HACE1: variants seen among roughly 807,000 people sequenced by gnomAD.
The protein encoded by HACE1 is E3 ubiquitin-protein ligase HACE1.
In HACE1, 73 loss-of-function variants were observed where a neutral mutation model predicts 118.4. That is an observed-to-expected ratio of 0.62 (90% CI 0.51 to 0.75). HACE1 has a LOEUF of 0.75. Ranked by LOEUF, HACE1 falls within the 30% of genes least tolerant of loss-of-function variation. The pLI, the probability that HACE1 is intolerant of heterozygous loss-of-function variation, is 0.00. For missense variants in HACE1, 749 were observed against 1,102.2 expected (o/e 0.68, Z 4.54); for synonymous variants, 368 against 374.8 (o/e 0.98, Z 0.21).
At chr6:104,762,522 G>A (rs1001712953) in intron 19 of HACE1, among the ~76,000 whole-genome samples, 1 of 152,064 alleles carries the variant, frequency 6.6e-6, no homozygotes, top group African/African-American at 2.4e-5. Context: ...GACACAAGGA[G>A]GGGAACATCA....
chr6:104,786,868 T>C (rs573181866), intron 11 of HACE1: 1 of 152,270 alleles, frequency 6.6e-6, no homozygotes, highest in African/African-American at 2.4e-5. Flanking sequence ...CTTTAAAATA[T>C]TTCAAGGAAA....
intron 19 of HACE1, among the ~76,000 whole-genome samples, chr6:104,768,323 A>G (rs1391424050): frequency 6.6e-6 from 1 of 152,148 alleles, no homozygotes; most frequent in Admixed American, 6.5e-5. Context: ...TATAAAGTAA[A>G]AAGCTGACTC....
intron 14 of HACE1, among the ~76,000 whole-genome samples, chr6:104,782,715 G>A (rs1937417409): frequency 6.6e-6 from 1 of 152,064 alleles, no homozygotes; most frequent in Admixed American, 6.6e-5. Context: ...CATTATTACT[G>A]CCTTCTCTTT....
At chr6:104,732,688 C>G (rs1449761165) in intron 22 of HACE1, among the ~76,000 whole-genome samples, 1 of 149,034 alleles carries the variant, frequency 6.7e-6, no homozygotes, top group Non-Finnish European at 1.5e-5. Context: ...TTAAATGATA[C>G]ATTTTATGAT....
intron 6 of HACE1, among the ~76,000 whole-genome samples, chr6:104,827,607 C>A (rs955080323): frequency 3.3e-5 from 5 of 152,096 alleles, no homozygotes; most frequent in African/African-American, 1.2e-4. Context: ...AGAATAAATA[C>A]AATTACTCTG....
intron 4 of HACE1, among the ~76,000 whole-genome samples, chr6:104,848,373 T>C (rs561210355): frequency 2.6e-5 from 4 of 150,982 alleles, no homozygotes; most frequent in African/African-American, 7.3e-5. Context: ...GGAGAATCAC[T>C]TGAACTCGGG....
At chr6:104,796,826 T>C in intron 8 of HACE1, 70 bp from the exon 9 acceptor site, 1 of 1,118,970 alleles carries the variant, frequency 8.9e-7, no homozygotes, top group Non-Finnish European at 1.4e-6. Flanking sequence ...CTTCACACAA[T>C]AAAAATCTTT....
Position 104,739,592 on chromosome 6 carries a change from G to A in HACE1, c.2513+4568C>T, listed in dbSNP as rs368633921. 1.8e-4 allele frequency among the ~76,000 whole-genome samples: 28 copies of A among 151,968 alleles called. No individual in the cohort carries two copies. In the East Asian group the frequency reaches 5.2e-3, roughly 28 times the overall value. ...AGAAGGCCATTACATAATGATAAAG[G>A]GATCAATTCAACAAGAAGAGCTAAC... On this transcript the variant is annotated intron_variant, in intron 22 of 23. Coordinates refer to ENST00000262903, the MANE Select transcript of HACE1 (RefSeq NM_020771.4).
At chr6:104,731,480 G>A (rs1387178680) in intron 22 of HACE1, 3 of 152,034 alleles carry the variant, frequency 2.0e-5, no homozygotes, top group African/African-American at 7.2e-5. Context: ...TTACAAAGCT[G>A]TGGTAATCAA....
At chr6:104,747,152 T>C (rs1049711000) in intron 20 of HACE1, among the ~76,000 whole-genome samples, 2 of 152,218 alleles carry the variant, frequency 1.3e-5, no homozygotes, top group South Asian at 2.1e-4. Context: ...AACAAAATAA[T>C]TGAATTCATC....
At chr6:104,811,428 A>G (rs1480778298) in intron 6 of HACE1, 35 bp from the exon 7 acceptor site, 1 of 991,170 alleles carries the variant, frequency 1.0e-6, no homozygotes, top group Non-Finnish European at 1.6e-6. Flanking sequence ...GTAAAGCCAG[A>G]GGAATCAAAC....
At chr6:104,787,409 A>G (rs919430844) in intron 11 of HACE1, 2 of 152,198 alleles carry the variant, frequency 1.3e-5, no homozygotes, top group Non-Finnish European at 2.9e-5. Flanking sequence ...TTCACTGAAA[A>G]TTCTAATCAT....
intron 19 of HACE1, among the ~76,000 whole-genome samples, chr6:104,756,442 T>C (rs1161019388): frequency 2.7e-4 from 39 of 146,292 alleles, no homozygotes; most frequent in African/African-American, 9.6e-4. Flanking sequence ...TATATATATA[T>C]ATATACACAC....
chr6:104,847,590 C>G (rs1427933498), intron 4 of HACE1, among the ~76,000 whole-genome samples: 2 of 152,196 alleles, frequency 1.3e-5, no homozygotes, highest in Non-Finnish European at 2.9e-5. Context: ...CTAGGCAACA[C>G]TATTGCTGTC....
chr6:104,778,232 T>C (rs574066705), intron 14 of HACE1, among the ~76,000 whole-genome samples: 23 of 152,298 alleles, frequency 1.5e-4, no homozygotes, highest in Non-Finnish European at 1.5e-5. Context: ...CTGTGAGTTA[T>C]CTACAATTTT....
chr6:104,821,633 A>C (rs1772726552), intron 6 of HACE1, among the ~76,000 whole-genome samples: 1 of 152,216 alleles, frequency 6.6e-6, no homozygotes, highest in Admixed American at 6.5e-5. Flanking sequence ...CACTTTTATA[A>C]GCAGGAAATT....
intron 22 of HACE1, chr6:104,730,738 T>C (rs1018626469): frequency 3.2e-6 from 1 of 316,672 alleles, no homozygotes; most frequent in Non-Finnish European, 6.1e-6. Flanking sequence ...TGGGGCTGAT[T>C]TGAGGGCCCA....
chr6:104,844,298 G>A (rs1775414407), intron 4 of HACE1, among the ~76,000 whole-genome samples: 1 of 151,112 alleles, frequency 6.6e-6, no homozygotes, highest in Non-Finnish European at 1.5e-5. Context: ...GTCTCCCAAA[G>A]TGCAGGGATT....
chr6:104,732,509 A>G (rs1436557026), intron 22 of HACE1: 2 of 152,202 alleles, frequency 1.3e-5, no homozygotes, highest in African/African-American at 4.8e-5. Context: ...ATTCGTAGAC[A>G]TAAAATTGGT....
Sources: allele counts gnomAD v4.1 joint callset (sites outside exome capture counted in the v4.1 genomes callset), GRCh38; gene constraint gnomAD v4.1.1; transcripts MANE v1.5; gene names NCBI Gene and HGNC (gene_info 2026-07-23, HGNC 2026-07-21).